CAST: variants seen among roughly 807,000 people sequenced by gnomAD.
CAST encodes the protein MIR583 host.
Under a neutral mutation model 119.6 loss-of-function variants are expected in CAST, and 76 were observed. The ratio of observed to expected loss-of-function variants is 0.64; its 90% confidence interval spans 0.53 to 0.77. The LOEUF is 0.77. CAST is among the 30% of genes least tolerant of loss of function. The pLI, the probability that CAST is intolerant of heterozygous loss-of-function variation, is 0.00. For missense variants in CAST, 953 were observed against 946.5 expected, an observed-to-expected ratio of 1.01 and a Z score of -0.09; for synonymous variants, 319 against 331.6, an observed-to-expected ratio of 0.96 and a Z score of 0.41.
At chr5:96,301,667 G>A in the CAST span, among the ~76,000 whole-genome samples, 1 of 152,148 alleles carries the variant, frequency 6.6e-6, no homozygotes, top group African/African-American at 2.4e-5. Context: ...TCCAAGCAGG[G>A]CAGTCATTAA....
At chr5:96,526,296 T>G (rs1040009366), upstream of CAST, among the ~76,000 whole-genome samples, 1 of 152,070 alleles carries the variant, frequency 6.6e-6, no homozygotes, top group Non-Finnish European at 1.5e-5. Flanking sequence ...GAATAGGGGT[T>G]TGGGGATTTG....
At chr5:96,287,110 C>T in the CAST span, among the ~76,000 whole-genome samples, 2 of 151,992 alleles carry the variant, frequency 1.3e-5, no homozygotes, top group Admixed American at 6.6e-5. Flanking sequence ...TACTTTTTGT[C>T]TCTGGTTCTC....
chr5:96,489,830 C>T, the CAST span, among the ~76,000 whole-genome samples: 1 of 152,198 alleles, frequency 6.6e-6, no homozygotes, highest in Admixed American at 6.5e-5. Context: ...CACATAGATA[C>T]AGAGGCCATT....
intron 1 of CAST, among the ~76,000 whole-genome samples, chr5:96,668,227 C>T (rs1338406498): frequency 1.3e-5 from 2 of 152,066 alleles, no homozygotes; most frequent in African/African-American, 4.8e-5. Context: ...ATCCTTGTAA[C>T]CAAATTGCTG....
intron 3 of CAST, among the ~76,000 whole-genome samples, chr5:96,708,477 AT>A (rs913092125): frequency 6.0e-5 from 9 of 151,212 alleles, no homozygotes; most frequent in African/African-American, 2.2e-4. Flanking sequence ...TCCCCTTCAG[AT>A]TTTTCTATTG....
chr5:96,518,955 C>T, the CAST span, among the ~76,000 whole-genome samples: 1 of 151,498 alleles, frequency 6.6e-6, no homozygotes, highest in Non-Finnish European at 1.5e-5. Context: ...ACCCGGGAGG[C>T]AGAGGCTGAG....
At chr5:96,260,293 T>C in the CAST span, among the ~76,000 whole-genome samples, 1 of 152,188 alleles carries the variant, frequency 6.6e-6, no homozygotes, top group East Asian at 1.9e-4. Context: ...GTCTAGAGAA[T>C]CATGAGGCAG....
chr5:96,080,606 A>G, the CAST span, among the ~76,000 whole-genome samples: 1 of 152,252 alleles, frequency 6.6e-6, no homozygotes, highest in Non-Finnish European at 1.5e-5. Flanking sequence ...TCCCTAAAGT[A>G]TCTTCCAGTT....
At chr5:96,276,244 A>G in the CAST span, among the ~76,000 whole-genome samples, 3 of 152,238 alleles carry the variant, frequency 2.0e-5, no homozygotes, top group Admixed American at 6.5e-5. Context: ...AATTTTGCAG[A>G]GTCAAAATAG....
At chr5:96,346,566 A>G in the CAST span, among the ~76,000 whole-genome samples, 2 of 152,110 alleles carry the variant, frequency 1.3e-5, no homozygotes, top group African/African-American at 4.8e-5. Context: ...CGTATATTCT[A>G]CCACTGGATA....
At chr5:96,227,736 T>C in the CAST span, among the ~76,000 whole-genome samples, 44 of 152,352 alleles carry the variant, frequency 2.9e-4, 1 homozygote, top group East Asian at 5.6e-3. Context: ...CCTGGAGCTC[T>C]ATCTTAGATA....
chr5:96,750,085 T>C (rs1408213347), intron 19 of CAST, among the ~76,000 whole-genome samples: 4 of 152,200 alleles, frequency 2.6e-5, no homozygotes, highest in African/African-American at 9.7e-5. Context: ...CTACCTTCCA[T>C]TCCTACATAG....
At chr5:96,317,006 C>G in the CAST span, among the ~76,000 whole-genome samples, 3 of 151,876 alleles carry the variant, frequency 2.0e-5, no homozygotes, top group South Asian at 6.2e-4. Context: ...GTTCTTGGTA[C>G]CTAAAGAGAG....
chr5:96,310,343 A>G, the CAST span, among the ~76,000 whole-genome samples: 1 of 152,152 alleles, frequency 6.6e-6, no homozygotes, highest in Non-Finnish European at 1.5e-5. Flanking sequence ...TGCTATTGTG[A>G]TGAGGACTTT....
intron 10 of CAST, among the ~76,000 whole-genome samples, chr5:96,736,560 C>T (rs1259827456): frequency 6.6e-6 from 1 of 151,962 alleles, no homozygotes; most frequent in Non-Finnish European, 1.5e-5. Context: ...AAGTAAGGTA[C>T]TTCTTTTTTT....
At chr5:96,642,557 T>C (rs75148416) in intron 1 of CAST, among the ~76,000 whole-genome samples, 1 of 150,700 alleles carries the variant, frequency 6.6e-6, no homozygotes, top group East Asian at 1.9e-4. Flanking sequence ...TTTTTTTTTT[T>C]TGAGACAAGA....
At chr5:96,630,153 C>G (rs155044) in intron 1 of CAST, among the ~76,000 whole-genome samples, 2 of 151,984 alleles carry the variant, frequency 1.3e-5, no homozygotes, top group Admixed American at 6.5e-5. Context: ...CTCTGTCTTC[C>G]GAGCTTACAG....
intron 1 of CAST, among the ~76,000 whole-genome samples, chr5:96,647,962 T>C (rs541694345): frequency 1.3e-5 from 2 of 152,354 alleles, no homozygotes; most frequent in Admixed American, 1.3e-4. Context: ...GCTGTGACTT[T>C]CTCCAATTCT....
At chr5:96,301,377 C>A in the CAST span, among the ~76,000 whole-genome samples, 2 of 152,002 alleles carry the variant, frequency 1.3e-5, no homozygotes, top group African/African-American at 4.8e-5. Context: ...ATTATCCTGC[C>A]CCTGGCCCCT....
Sources: allele counts gnomAD v4.1 joint callset (sites outside exome capture counted in the v4.1 genomes callset), GRCh38; gene constraint gnomAD v4.1.1; transcripts MANE v1.5; gene names NCBI Gene and HGNC (gene_info 2026-07-23, HGNC 2026-07-21).